Variants in DDX60L observed in about 807,000 individuals in gnomAD.
DDX60L encodes DExD/H-box 60 like, also known as probable ATP-dependent RNA helicase DDX60-like.
A neutral mutation model predicts 211.6 loss-of-function variants in DDX60L; 191 were observed. That is an observed-to-expected ratio of 0.90 (90% confidence interval 0.80 to 1.02). The LOEUF (loss-of-function observed/expected upper bound fraction) is 1.02. DDX60L is among the 50% of genes least tolerant of loss of function. The pLI is 0.00. For synonymous variants in DDX60L, 706 were observed against 694.1 expected (o/e 1.02, Z -0.27); for missense variants, 2,007 against 1,984.1 (o/e 1.01, Z -0.22).
chr4:168,437,274 A>G (rs1354552234), intron 10 of DDX60L, among the ~76,000 whole-genome samples: 2 of 152,210 alleles, frequency 1.3e-5, no homozygotes, highest in Non-Finnish European at 1.5e-5. Context: ...GCCTAATGTA[A>G]TAACTGCTAT....
intron 36 of DDX60L, chr4:168,361,427 G>C: frequency 4.7e-6 from 2 of 426,140 alleles, no homozygotes; most frequent in Non-Finnish European, 8.4e-6. Flanking sequence ...ATTATCAAAG[G>C]GGGAGGGTGA....
chr4:168,407,115 T>C (rs1414645727), intron 22 of DDX60L, among the ~76,000 whole-genome samples: 4 of 152,162 alleles, frequency 2.6e-5, no homozygotes, highest in Non-Finnish European at 5.9e-5. Flanking sequence ...AAACAGACAT[T>C]AAAATGTGTT....
At chr4:168,406,928 T>C (rs1470169243) in intron 22 of DDX60L, among the ~76,000 whole-genome samples, 2 of 152,170 alleles carry the variant, frequency 1.3e-5, no homozygotes, top group African/African-American at 4.8e-5. Context: ...CAAAATCCAC[T>C]AATAAGTTTC....
chr4:168,418,899 A>C (rs1750015056), intron 19 of DDX60L, among the ~76,000 whole-genome samples: 2 of 152,158 alleles, frequency 1.3e-5, no homozygotes, highest in African/African-American at 4.8e-5. Context: ...CAAGGTCTTT[A>C]TTCTTTTGCT....
chr4:168,398,159 G>T (rs1447741706), intron 26 of DDX60L, among the ~76,000 whole-genome samples: 1 of 152,168 alleles, frequency 6.6e-6, no homozygotes, highest in African/African-American at 2.4e-5. Context: ...AGGTTTGGAA[G>T]CACCTGCTCC....
At chr4:168,410,148 A>C (rs564507250) in intron 22 of DDX60L, among the ~76,000 whole-genome samples, 1 of 152,208 alleles carries the variant, frequency 6.6e-6, no homozygotes, top group Non-Finnish European at 1.5e-5. Flanking sequence ...ACATGAAAGC[A>C]AAAAATTATA....
chr4:168,367,278 T>C (rs1042527683), intron 36 of DDX60L, among the ~76,000 whole-genome samples: 32 of 152,202 alleles, frequency 2.1e-4, no homozygotes, highest in African/African-American at 7.5e-4. Flanking sequence ...TGGGAGGTTA[T>C]TGATTTATGA....
At chr4:168,387,162 G>A (rs1262738209) in intron 29 of DDX60L, among the ~76,000 whole-genome samples, 2 of 152,214 alleles carry the variant, frequency 1.3e-5, no homozygotes, top group Non-Finnish European at 2.9e-5. Flanking sequence ...GAACTAGGCA[G>A]TCACGGCAGG....
intron 30 of DDX60L, among the ~76,000 whole-genome samples, chr4:168,382,283 C>A (rs1743105379): frequency 6.6e-6 from 1 of 152,160 alleles, no homozygotes; most frequent in African/African-American, 2.4e-5. Flanking sequence ...CTTTAAAAAG[C>A]AAACACTTAC....
At chr4:168,460,506 G>A (rs566491185) in intron 5 of DDX60L, among the ~76,000 whole-genome samples, 1 of 152,210 alleles carries the variant, frequency 6.6e-6, no homozygotes, top group East Asian at 1.9e-4. Flanking sequence ...TCCAGGATCT[G>A]GGCGGCAGGA....
At chr4:168,399,119 C>T (rs1746336113) in intron 26 of DDX60L, among the ~76,000 whole-genome samples, 1 of 152,218 alleles carries the variant, frequency 6.6e-6, no homozygotes, top group Admixed American at 6.5e-5. Context: ...CTGTGTACCT[C>T]ATTCTTCCTG....
intron 36 of DDX60L, chr4:168,361,493 A>C: frequency 4.2e-6 from 1 of 236,904 alleles, no homozygotes; most frequent in Non-Finnish European, 8.1e-6. Context: ...AAGTGAAAAC[A>C]AAACAAGTTG....
intron 30 of DDX60L, 92 bp from the exon 31 acceptor site, chr4:168,379,922 A>G: frequency 1.3e-6 from 1 of 794,880 alleles, no homozygotes; most frequent in Non-Finnish European, 1.9e-6. Context: ...TACTATATAG[A>G]TAAGGTTACC....
At chr4:168,435,809 G>A (rs748165629) in intron 10 of DDX60L, among the ~76,000 whole-genome samples, 7 of 152,028 alleles carry the variant, frequency 4.6e-5, no homozygotes, top group African/African-American at 1.4e-4. Flanking sequence ...TACGCTGCTC[G>A]GATCTAGTGA....
At chr4:168,402,450 T>G (rs983879051) in intron 25 of DDX60L, among the ~76,000 whole-genome samples, 1 of 152,130 alleles carries the variant, frequency 6.6e-6, no homozygotes, top group African/African-American at 2.4e-5. Flanking sequence ...TTCTAGTGAA[T>G]GGGCCTCAAT....
intron 36 of DDX60L, 134 bp downstream of exon 36, chr4:168,371,478 A>G (rs866309085): frequency 2.4e-5 from 7 of 293,384 alleles, no homozygotes; most frequent in Middle Eastern, 2.5e-3. Flanking sequence ...TTAAAAATAT[A>G]TAATATAAAT....
intron 37 of DDX60L, among the ~76,000 whole-genome samples, chr4:168,360,691 A>G (rs1165532967): frequency 6.6e-6 from 1 of 152,224 alleles, no homozygotes; most frequent in Non-Finnish European, 1.5e-5. Context: ...GCAGATGAAC[A>G]TAGGAAATCA....
intron 25 of DDX60L, among the ~76,000 whole-genome samples, chr4:168,403,409 T>C (rs1747179065): frequency 6.6e-6 from 1 of 152,204 alleles, no homozygotes; most frequent in Non-Finnish European, 1.5e-5. Context: ...TAATTTAAAA[T>C]TCTCTGGGCT....
chr4:168,358,245 G>C lies in DDX60L; in HGVS notation c.5023C>G (p.Arg1675Gly). The change falls in exon 38 of 38, where the codon CGT (arginine) becomes GGT (glycine). Residue 1675 changes from arginine to glycine, a missense_variant. Physicochemically the swap from Arg to Gly is moderately radical, Grantham distance 125 (BLOSUM62 -2). Coordinates refer to ENST00000682922, the MANE Select transcript of DDX60L (RefSeq NM_001012967.3). ...DSLSELCENK[R>G]DNVVLAFKQL... ...TTAAATGCCAGGACTACATTGTCAC[G>C]CTTATTTTCACATAGTTCACTCAAG... The C allele has an allele frequency of 6.3e-7, 1 of 1,596,492 alleles. No individual in the cohort carries two copies. The highest frequency in any genetic ancestry group is 2.3e-5 in the East Asian group (1 of 44,252).
Sources: allele counts gnomAD v4.1 joint callset (sites outside exome capture counted in the v4.1 genomes callset), GRCh38; gene constraint gnomAD v4.1.1; transcripts MANE v1.5; gene names NCBI Gene and HGNC (gene_info 2026-07-23, HGNC 2026-07-21).